The following TLN2 variants were observed in gnomAD, a reference collection of about 807,000 sequenced individuals.
The protein encoded by TLN2 is talin 2.
A neutral mutation model predicts 294.7 loss-of-function variants in TLN2; 118 were observed. The ratio of observed to expected loss-of-function variants is 0.40; its 90% CI spans 0.34 to 0.47. The LOEUF is 0.47. TLN2 is among the 20% of genes least tolerant of loss of function. The pLI is 0.84. For synonymous variants in TLN2, 1,431 were observed against 1,304.5 expected (o/e 1.10, Z -2.09); for missense variants, 3,083 against 3,282.2 (o/e 0.94, Z 1.48).
At chr15:62,663,042 C>G (rs2054077703) in intron 9 of TLN2, among the ~76,000 whole-genome samples, 1 of 151,976 alleles carries the variant, frequency 6.6e-6, no homozygotes, top group Non-Finnish European at 1.5e-5. Flanking sequence ...CCAGGATGGT[C>G]TCGATCTCCT....
chr15:62,778,330 C>A (rs539856150), intron 43 of TLN2, among the ~76,000 whole-genome samples: 1 of 152,244 alleles, frequency 6.6e-6, no homozygotes, highest in African/African-American at 2.4e-5. Context: ...TTCTGCGGGC[C>A]CTTGGATAAG....
chr15:62,718,818 G>A (rs990968767), intron 24 of TLN2, among the ~76,000 whole-genome samples: 1 of 152,058 alleles, frequency 6.6e-6, no homozygotes, highest in African/African-American at 2.4e-5. Context: ...GAGACCTCTC[G>A]CCCCTCTTCT....
At chr15:62,739,038 G>A (rs888087440) in intron 30 of TLN2, among the ~76,000 whole-genome samples, 11 of 152,126 alleles carry the variant, frequency 7.2e-5, no homozygotes, top group African/African-American at 2.7e-4. Context: ...ATGGACCCTG[G>A]AGTCGGATTG....
chr15:62,596,891 C>T (rs1235132886), intron 2 of TLN2, among the ~76,000 whole-genome samples: 7 of 152,154 alleles, frequency 4.6e-5, no homozygotes, highest in South Asian at 2.1e-4. Flanking sequence ...AGAGCAACTA[C>T]TTTTTTTCCT....
At chr15:62,665,516 G>T (rs1446133157) in intron 9 of TLN2, among the ~76,000 whole-genome samples, 3 of 152,286 alleles carry the variant, frequency 2.0e-5, no homozygotes, top group African/African-American at 7.2e-5. Context: ...TGAAGAAATT[G>T]TCCAAGGGCT....
intron 1 of TLN2, among the ~76,000 whole-genome samples, chr15:62,539,579 G>T (rs1474192740): frequency 1.3e-5 from 2 of 152,156 alleles, no homozygotes; most frequent in East Asian, 3.8e-4. Context: ...AGTGCAGTTT[G>T]TCTACCAAAT....
At chr15:62,609,170 A>C (rs2047703198) in intron 2 of TLN2, among the ~76,000 whole-genome samples, 1 of 152,186 alleles carries the variant, frequency 6.6e-6, no homozygotes. Context: ...ATACTTTAAA[A>C]GGTTTTGAAA....
intron 7 of TLN2, among the ~76,000 whole-genome samples, chr15:62,653,939 T>C (rs1005282315): frequency 6.6e-6 from 1 of 152,178 alleles, no homozygotes; most frequent in African/African-American, 2.4e-5. Context: ...TTCCATCTCT[T>C]TTTTTGACTA....
At chr15:62,452,145 C>T (rs1267012488) in intron 1 of TLN2, among the ~76,000 whole-genome samples, 2 of 72,760 alleles carry the variant, frequency 2.7e-5, no homozygotes, top group African/African-American at 6.8e-5. Flanking sequence ...TGGGACGCAC[C>T]AAGGGTGAAA....
chr15:62,576,259 G>A (rs1233443682), intron 1 of TLN2, among the ~76,000 whole-genome samples: 2 of 40,568 alleles, frequency 4.9e-5, no homozygotes, highest in African/African-American at 1.3e-4. Context: ...GTGAGACCCC[G>A]TCTCAAAAAA....
intron 45 of TLN2, among the ~76,000 whole-genome samples, chr15:62,792,172 C>T (rs988318457): frequency 2.6e-5 from 4 of 152,082 alleles, no homozygotes; most frequent in Non-Finnish European, 5.9e-5. Context: ...ATGCTTAATA[C>T]GGAAACCACA....
intron 1 of TLN2, among the ~76,000 whole-genome samples, chr15:62,496,979 C>T (rs540262720): frequency 3.3e-4 from 50 of 152,270 alleles, no homozygotes; most frequent in Admixed American, 1.7e-3. Context: ...AGTCTCCAGT[C>T]GTGCCTCCCT....
intron 1 of TLN2, among the ~76,000 whole-genome samples, chr15:62,511,380 C>CT (rs1387531396): frequency 6.6e-6 from 1 of 152,230 alleles, no homozygotes; most frequent in African/African-American, 2.4e-5. Context: ...AAATTGCCCA[C>CT]TGTAGTCTTG....
At chr15:62,467,695 T>TAAAAA (rs2037221795) in intron 1 of TLN2, among the ~76,000 whole-genome samples, 1 of 151,698 alleles carries the variant, frequency 6.6e-6, no homozygotes, top group African/African-American at 2.4e-5. Flanking sequence ...AAAAAAAAAA[T>TAAAAA]TAGTGTGAAA....
At chr15:62,830,305 G>C (rs1353797736) in intron 54 of TLN2, 1 of 152,542 alleles carries the variant, frequency 6.6e-6, no homozygotes, top group East Asian at 1.9e-4. Context: ...GTGAGAATGA[G>C]AGCTCCAGGA....
At chr15:62,533,100 A>T (rs2140501951) in intron 1 of TLN2, among the ~76,000 whole-genome samples, 1 of 151,968 alleles carries the variant, frequency 6.6e-6, no homozygotes, top group African/African-American at 2.4e-5. Flanking sequence ...TGAAAAATAC[A>T]AAAAATAGCC....
At chr15:62,707,356 C>T (rs571931276) in intron 20 of TLN2, 103 bp downstream of exon 20, 41 of 1,338,636 alleles carry the variant, frequency 3.1e-5, no homozygotes, top group African/African-American at 2.4e-4. Flanking sequence ...TTAAATAGTC[C>T]GAGATTTAGA....
chr15:62,557,089 T>G (rs2042647973), intron 1 of TLN2, among the ~76,000 whole-genome samples: 2 of 152,316 alleles, frequency 1.3e-5, no homozygotes, highest in Admixed American at 1.3e-4. Context: ...GAAGACTCAG[T>G]GCACTACACA....
intron 1 of TLN2, among the ~76,000 whole-genome samples, chr15:62,447,538 A>G (rs900612063): frequency 1.4e-5 from 2 of 142,028 alleles, no homozygotes; most frequent in African/African-American, 5.3e-5. Flanking sequence ...TCTGTCGCCC[A>G]GGCTGGAGTG....
Sources: gnomAD v4.1 joint callset for allele counts (sites outside exome capture counted in the v4.1 genomes callset) on GRCh38, gnomAD v4.1.1 for gene constraint, MANE v1.5 for transcripts, NCBI Gene and HGNC (gene_info 2026-07-23, HGNC 2026-07-21) for gene names.